ZDHHC14: variants seen among roughly 807,000 people sequenced by gnomAD.
ZDHHC14 encodes palmitoyltransferase ZDHHC14.
ZDHHC14 carries 16 observed loss-of-function variants against 47.7 expected under a neutral mutation model. That is an observed-to-expected ratio of 0.34 (90% CI 0.23 to 0.51). The LOEUF (loss-of-function observed/expected upper bound fraction) is 0.51, where lower values mean the gene tolerates loss of function less well. Ranked by LOEUF, ZDHHC14 falls within the 20% of genes least tolerant of loss-of-function variation. The pLI, the probability that ZDHHC14 is intolerant of heterozygous loss-of-function variation, is 0.97. For missense variants in ZDHHC14, 515 were observed against 662.5 expected (o/e 0.78, Z 2.44); for synonymous variants, 293 against 278.9 (o/e 1.05, Z -0.50).
At chr6:157,651,186 G>A (rs1430596548) in intron 7 of ZDHHC14, among the ~76,000 whole-genome samples, 1 of 152,240 alleles carries the variant, frequency 6.6e-6, no homozygotes, top group East Asian at 1.9e-4. Context: ...GAGGCTCGAA[G>A]CCTTAAATCA....
intron 1 of ZDHHC14, among the ~76,000 whole-genome samples, chr6:157,430,428 G>A (rs1778315844): frequency 6.6e-6 from 1 of 151,798 alleles, no homozygotes; most frequent in South Asian, 2.1e-4. Flanking sequence ...CATTCTTCCT[G>A]GAGGCCCCAG....
At chr6:157,552,126 A>C (rs1193130820) in intron 2 of ZDHHC14, among the ~76,000 whole-genome samples, 1 of 152,188 alleles carries the variant, frequency 6.6e-6, no homozygotes. Flanking sequence ...CACCCATGTA[A>C]ATTCAACAAG....
chr6:157,660,433 T>C (rs1778301067), intron 8 of ZDHHC14, among the ~76,000 whole-genome samples: 1 of 152,188 alleles, frequency 6.6e-6, no homozygotes, highest in East Asian at 1.9e-4. Context: ...CCTCAGGAGA[T>C]CCACCTGCCT....
At chr6:157,474,650 T>C (rs1442766996) in intron 1 of ZDHHC14, among the ~76,000 whole-genome samples, 3 of 151,968 alleles carry the variant, frequency 2.0e-5, no homozygotes, top group Non-Finnish European at 4.4e-5. Flanking sequence ...AATTTGCATT[T>C]CCTTGATGAT....
chr6:157,587,765 A>G (rs879883302), intron 2 of ZDHHC14, among the ~76,000 whole-genome samples: 1 of 152,188 alleles, frequency 6.6e-6, no homozygotes, highest in Non-Finnish European at 1.5e-5. Context: ...TTGTACTTTC[A>G]CAAACACCAA....
chr6:157,519,868 A>G (rs1329677874), intron 1 of ZDHHC14, among the ~76,000 whole-genome samples: 1 of 152,226 alleles, frequency 6.6e-6, no homozygotes, highest in Non-Finnish European at 1.5e-5. Context: ...AAGGAAGTCA[A>G]AGGGTCCTGA....
intron 1 of ZDHHC14, among the ~76,000 whole-genome samples, chr6:157,506,752 A>G (rs1350319571): frequency 6.6e-6 from 1 of 152,184 alleles, no homozygotes; most frequent in Non-Finnish European, 1.5e-5. Context: ...GGGAATGTTA[A>G]TGTGAGCTAT....
intron 2 of ZDHHC14, among the ~76,000 whole-genome samples, chr6:157,555,815 CA>C (rs1393358064): frequency 6.6e-6 from 1 of 152,098 alleles, no homozygotes; most frequent in African/African-American, 2.4e-5. Flanking sequence ...AGAATTGTGC[CA>C]AAAAAATTAT....
intron 1 of ZDHHC14, among the ~76,000 whole-genome samples, chr6:157,431,108 T>C (rs1054114177): frequency 2.6e-5 from 4 of 152,106 alleles, no homozygotes; most frequent in African/African-American, 9.7e-5. Context: ...GGAACGTGAG[T>C]GTGGGTGGTT....
chr6:157,561,979 T>A (rs1275216031), intron 2 of ZDHHC14, among the ~76,000 whole-genome samples: 3 of 152,184 alleles, frequency 2.0e-5, no homozygotes, highest in African/African-American at 4.8e-5. Flanking sequence ...TTTTTTTCCC[T>A]TAGTATCTGA....
intron 3 of ZDHHC14, among the ~76,000 whole-genome samples, chr6:157,599,949 C>G (rs528330682): frequency 1.3e-5 from 2 of 152,252 alleles, no homozygotes; most frequent in South Asian, 4.1e-4. Context: ...TTTGAAAAAT[C>G]TCAGTGAAAC....
rs1777621037 is a variant in ZDHHC14 at position 157,647,503 on chromosome 6, C to G, written c.965+135C>G. On this transcript the variant is annotated intron_variant, in intron 7 of 8. Transcript: ENST00000359775. ...CCACTTTGTGCCGCGTGGATGTGGC[C>G]TTCGTGAAATCGAGATCTGGCTGTT... 5 of 579,624 alleles carry G rather than the reference C, an allele frequency of 8.6e-6. No individual in the cohort carries two copies. The South Asian group carries it at 1.0e-4, about 12-fold the overall frequency. 35.9% of individuals were successfully genotyped at this position (579,624 alleles called of 1,614,324 possible).
rs1045623697 is a variant in ZDHHC14, at chr6:157,669,940, T to C, written c.1069-2784T>C. ...AACGGTGATGTTCATAAAACATTCT[T>C]TGCAAAGCACAGTCCGTCCAAACCC... On this transcript the variant is annotated intron_variant, in intron 8 of 8. Transcript: ENST00000359775. Among the ~76,000 whole-genome samples, 4 of 152,242 alleles carry C rather than the reference T, an allele frequency of 2.6e-5. No individual in the cohort carries two copies. In the South Asian group the frequency reaches 8.3e-4, roughly 31 times the overall value.
intron 1 of ZDHHC14, among the ~76,000 whole-genome samples, chr6:157,450,998 T>TTGTGTGTGTG (rs34066002): frequency 2.1e-3 from 315 of 147,630 alleles, no homozygotes; most frequent in African/African-American, 7.2e-3. Flanking sequence ...AAGTCTGGTC[T>TTGTGTGTGTG]TGTGTGTGTG....
At chr6:157,594,336 A>G (rs1562497602) in intron 3 of ZDHHC14, among the ~76,000 whole-genome samples, 2 of 152,132 alleles carry the variant, frequency 1.3e-5, no homozygotes, top group South Asian at 4.2e-4. Context: ...CCCCAACAGA[A>G]CAGTATGGAA....
chr6:157,511,547 CT>C (rs34988240), intron 1 of ZDHHC14, among the ~76,000 whole-genome samples: 55,299 of 114,762 alleles, frequency 0.48, 11,947 homozygotes, highest in Non-Finnish European at 0.51. Flanking sequence ...AGCCCGGGTA[CT>C]TTTTTTTTTT....
At chr6:157,450,560 T>A (rs897752960) in intron 1 of ZDHHC14, among the ~76,000 whole-genome samples, 1 of 151,910 alleles carries the variant, frequency 6.6e-6, no homozygotes, top group African/African-American at 2.4e-5. Flanking sequence ...ATTCTCTGTC[T>A]TCATTTTTGT....
In ZDHHC14 at chr6:157,672,960, C is replaced by T; in HGVS notation, c.1305C>T (p.Gly435=). 1 of 1,599,794 alleles carries T rather than the reference C, an allele frequency of 6.3e-7. No homozygotes were observed. Among genetic ancestry groups the T allele is most frequent in the Admixed American group, 1.7e-5 (1 of 59,182 alleles). ...DVMPRKDEHM[G]HQFLTPDEAP... Reference sequence around the variant, plus strand: ...TGCCCCGGAAAGATGAGCACATGGGCCACCAGTTCCTGACGCCCGATGAGG... The same window carrying T: ...TGCCCCGGAAAGATGAGCACATGGGTCACCAGTTCCTGACGCCCGATGAGG... The change falls in exon 9 of 9, where the codon GGC becomes GGT. Residue 435 remains glycine (G), a synonymous_variant. Transcript: ENST00000359775.
chr6:157,472,307 A>G (rs1779375110), intron 1 of ZDHHC14, among the ~76,000 whole-genome samples: 1 of 151,974 alleles, frequency 6.6e-6, no homozygotes, highest in African/African-American at 2.4e-5. Flanking sequence ...ACCCCCTTCT[A>G]CCTGGGCATG....
Sources: gnomAD v4.1 joint callset for allele counts (sites outside exome capture counted in the v4.1 genomes callset) on GRCh38, gnomAD v4.1.1 for gene constraint, MANE v1.5 for transcripts, NCBI Gene and HGNC (gene_info 2026-07-23, HGNC 2026-07-21) for gene names.